SPECC1: variants seen among roughly 807,000 people sequenced by gnomAD.
SPECC1 encodes the protein cytospin-B.
Under a neutral mutation model 104.1 loss-of-function variants are expected in SPECC1, and 62 were observed. The observed-to-expected ratio is 0.60, with a 90% confidence interval of 0.49 to 0.74. The LOEUF (loss-of-function observed/expected upper bound fraction) is 0.74. SPECC1 is among the 30% of genes least tolerant of loss of function. The probability of loss-of-function intolerance (pLI) is 0.00; values close to 1 mark genes in which losing one functional copy is unlikely to be tolerated. For missense variants in SPECC1, 1,306 were observed against 1,310.5 expected (o/e 1.00, Z 0.05); for synonymous variants, 513 against 501.6 (o/e 1.02, Z -0.30).
At chr17:20,225,903 T>C (rs1285605400) in intron 4 of SPECC1, among the ~76,000 whole-genome samples, 1 of 152,210 alleles carries the variant, frequency 6.6e-6, no homozygotes, top group Non-Finnish European at 1.5e-5. Flanking sequence ...TGAATGATCC[T>C]GCAGTGCTGC....
intron 1 of SPECC1, among the ~76,000 whole-genome samples, chr17:20,035,600 T>G (rs978525796): frequency 6.6e-6 from 1 of 152,168 alleles, no homozygotes; most frequent in African/African-American, 2.4e-5. Context: ...TGCTAGTACA[T>G]AGAGATACAA....
rs2036727302 is a variant in SPECC1 at position 20,205,643 on chromosome 17, A to G, written c.1594A>G (p.Met532Val). ...AGAACTGGAACGGCATAATAATAACATGATGGCCAAAACTTTGGAAGAGTG... is the reference window on the plus strand; with the variant it reads ...AGAACTGGAACGGCATAATAATAACGTGATGGCCAAAACTTTGGAAGAGTG... ...FLELERHNNN[M>V]MAKTLEECRV... is the part of the protein sequence containing the mutation. The change falls in exon 4 of 15, where the codon ATG becomes GTG. Residue 532 changes from methionine to valine, a missense_variant. Physicochemically the swap from Met to Val is conservative, Grantham distance 21. Coordinates refer to ENST00000395527, the MANE Select transcript of SPECC1 (RefSeq NM_001243439.2). 6.2e-7 allele frequency: 1 copy of G among 1,614,196 alleles called. No individual in the cohort carries two copies. The highest frequency in any genetic ancestry group is 8.5e-7 in the Non-Finnish European group (1 of 1,180,026).
chr17:20,289,981 G>C (rs934711502), intron 12 of SPECC1, among the ~76,000 whole-genome samples: 12 of 152,150 alleles, frequency 7.9e-5, no homozygotes, highest in Non-Finnish European at 1.5e-4. Flanking sequence ...TACCTGACTA[G>C]ATTTGGACTT....
rs559688793 is a variant in SPECC1 at position 20,317,716 on chromosome 17, A to AG, written c.*3651_*3652insG. On this transcript the variant is annotated 3_prime_UTR_variant, in exon 15 of 15. Coordinates refer to ENST00000395527, the MANE Select transcript of SPECC1 (RefSeq NM_001243439.2). The stretch of plus-strand genomic sequence containing the variant: ...ACTCTGGCCTGGGCCAAAGAGCAAG[A>AG]CCCTGTCACACACACACACAAAAAA... The AG allele has an allele frequency of 2.1e-4, 44 of 214,152 alleles. No homozygotes were observed. In the East Asian group the frequency reaches 3.1e-3, roughly 15 times the overall value. 13.3% of individuals were successfully genotyped at this position (214,152 alleles called of 1,614,324 possible). A position where few individuals can be genotyped will look rare whatever the true frequency, so the allele number is the denominator to read the frequency against.
At chr17:20,034,183 C>T (rs572149594) in intron 1 of SPECC1, among the ~76,000 whole-genome samples, 10 of 151,920 alleles carry the variant, frequency 6.6e-5, no homozygotes, top group Non-Finnish European at 1.2e-4. Flanking sequence ...CTGCAACTTC[C>T]ACCTCCCAGG....
Position 20,113,112 on chromosome 17 carries a change from A to G in SPECC1, c.283+2550A>G, listed in dbSNP as rs1298530377. 8.9e-6 allele frequency: 6 copies of G among 670,650 alleles called. No homozygotes were observed. In the South Asian group the frequency reaches 9.2e-5, roughly 10 times the overall value. 41.5% of individuals were successfully genotyped at this position (670,650 alleles called of 1,614,324 possible). A position where few individuals can be genotyped will look rare whatever the true frequency, so the allele number is the denominator to read the frequency against. On this transcript the variant is annotated intron_variant, in intron 3 of 14. Transcript: ENST00000395527. ...GTAAGGAAGTTAAAAAAAAATTTAG[A>G]GGATTATGCTTGTTCTCAGTGGTGC...
intron 2 of SPECC1, among the ~76,000 whole-genome samples, chr17:20,097,696 C>T (rs921709050): frequency 6.6e-6 from 1 of 152,162 alleles, no homozygotes; most frequent in Non-Finnish European, 1.5e-5. Flanking sequence ...TTAGAGCAGA[C>T]ACTCTTGGTG....
chr17:20,250,946 G>T (rs1055810629), intron 9 of SPECC1, among the ~76,000 whole-genome samples: 15 of 152,068 alleles, frequency 9.9e-5, no homozygotes, highest in African/African-American at 3.6e-4. Flanking sequence ...AATATGGTTG[G>T]CCAGGTACAA....
intron 3 of SPECC1, among the ~76,000 whole-genome samples, chr17:20,187,267 T>G (rs921343716): frequency 1.3e-5 from 2 of 152,152 alleles, no homozygotes; most frequent in African/African-American, 4.8e-5. Context: ...TGAACACTTT[T>G]TGGTTGACTT....
chr17:20,308,396 A>AAAAAG (rs2142186613), intron 14 of SPECC1, among the ~76,000 whole-genome samples: 1 of 151,440 alleles, frequency 6.6e-6, no homozygotes, highest in East Asian at 1.9e-4. Context: ...TCTCAAAAAA[A>AAAAAG]AAAAAAAAAA....
intron 12 of SPECC1, among the ~76,000 whole-genome samples, chr17:20,288,666 G>C (rs575257067): frequency 6.6e-6 from 1 of 151,252 alleles, no homozygotes; most frequent in African/African-American, 2.4e-5. Flanking sequence ...TCATGCTGTT[G>C]ATAAAGACAT....
chr17:20,299,727 G>T (rs1011086520), intron 13 of SPECC1, among the ~76,000 whole-genome samples: 2 of 152,152 alleles, frequency 1.3e-5, no homozygotes, highest in Non-Finnish European at 2.9e-5. Flanking sequence ...TGCTTTGTTT[G>T]TGAAGCAGGC....
At chr17:20,208,993 T>C (rs2036962471) in intron 4 of SPECC1, among the ~76,000 whole-genome samples, 1 of 152,170 alleles carries the variant, frequency 6.6e-6, no homozygotes, top group African/African-American at 2.4e-5. Context: ...AGGATGAGGA[T>C]TGAATTTTTT....
intron 7 of SPECC1, chr17:20,238,635 A>G (rs2151509120): frequency 9.6e-7 from 1 of 1,041,246 alleles, no homozygotes; most frequent in Non-Finnish European, 1.2e-6. Context: ...TCTTCTCTGT[A>G]AAATTTACTT....
chr17:20,234,752 C>T (rs1332644316), intron 7 of SPECC1, among the ~76,000 whole-genome samples: 5 of 152,202 alleles, frequency 3.3e-5, no homozygotes, highest in Admixed American at 6.5e-5. Context: ...GCTCTGTTTG[C>T]GTCCGTGGGC....
At chr17:20,048,136 CTT>C (rs543097038) in intron 1 of SPECC1, among the ~76,000 whole-genome samples, 8 of 139,798 alleles carry the variant, frequency 5.7e-5, no homozygotes, top group Admixed American at 7.2e-5. Flanking sequence ...AGAAATGAGT[CTT>C]TTTTTTTTTT....
chr17:20,308,127 C>T (rs2041824069), intron 14 of SPECC1, among the ~76,000 whole-genome samples: 1 of 152,054 alleles, frequency 6.6e-6, no homozygotes. Context: ...GTGGCCCACA[C>T]CTGTAATCCC....
chr17:20,155,934 G>A, intron 3 of SPECC1: 1 of 1,231,562 alleles, frequency 8.1e-7, no homozygotes, highest in Non-Finnish European at 1.0e-6. Flanking sequence ...GCGGTGTGCA[G>A]TTGAGGTGGT....
chr17:20,159,489 C>T (rs879936914), intron 3 of SPECC1, among the ~76,000 whole-genome samples: 3 of 152,210 alleles, frequency 2.0e-5, no homozygotes, highest in African/African-American at 4.8e-5. Context: ...CTGAGACCCG[C>T]TGTAGGCGTT....
Sources: gnomAD v4.1 joint callset for allele counts (sites outside exome capture counted in the v4.1 genomes callset) on GRCh38, gnomAD v4.1.1 for gene constraint, MANE v1.5 for transcripts, NCBI Gene and HGNC (gene_info 2026-07-23, HGNC 2026-07-21) for gene names.